ATXN7: variants seen among roughly 807,000 people sequenced by gnomAD.
The protein encoded by ATXN7 is ataxin 7.
ATXN7 carries 12 observed loss-of-function variants against 70.5 expected under a neutral mutation model. The ratio of observed to expected loss-of-function variants is 0.17; its 90% CI spans 0.11 to 0.28. The LOEUF is 0.28. ATXN7 is among the 10% of genes least tolerant of loss of function. The probability of loss-of-function intolerance (pLI) is 1.00; values close to 1 mark genes in which losing one functional copy is unlikely to be tolerated. For missense variants in ATXN7, 1,256 were observed against 1,131.7 expected, an observed-to-expected ratio of 1.11 and a Z score of -1.58; for synonymous variants, 498 against 448.7, an observed-to-expected ratio of 1.11 and a Z score of -1.39.
intron 12 of ATXN7, chr3:63,998,843 A>G (rs1241926323): frequency 3.2e-6 from 1 of 313,616 alleles, no homozygotes; most frequent in African/African-American, 2.3e-5. Flanking sequence ...AGCTGCCATT[A>G]AAACAAAAAT....
intron 12 of ATXN7, chr3:63,998,002 G>C (rs1393715495): frequency 2.0e-6 from 2 of 985,344 alleles, no homozygotes; most frequent in Non-Finnish European, 2.4e-6. Flanking sequence ...CAGTTTATAA[G>C]CATAACAGTC....
chr3:63,970,743 T>C (rs1464204132), intron 5 of ATXN7, among the ~76,000 whole-genome samples: 1 of 152,162 alleles, frequency 6.6e-6, no homozygotes, highest in Non-Finnish European at 1.5e-5. Flanking sequence ...GCCTGTCCCT[T>C]CCCCCACTGG....
chr3:63,904,521 T>G (rs1331300750), intron 2 of ATXN7: 3 of 152,334 alleles, frequency 2.0e-5, no homozygotes, highest in Non-Finnish European at 4.4e-5. Context: ...CTTGAACTCC[T>G]GACCTCGTGA....
intron 4 of ATXN7, 61 bp from the exon 5 acceptor site, chr3:63,952,318 A>G (rs1559643942): frequency 1.5e-6 from 2 of 1,329,398 alleles, no homozygotes; most frequent in Non-Finnish European, 2.1e-6. Flanking sequence ...GTAGTTTCCC[A>G]AAATGGTTTT....
intron 4 of ATXN7, among the ~76,000 whole-genome samples, chr3:63,915,644 C>A (rs891907386): frequency 1.3e-5 from 2 of 151,570 alleles, no homozygotes; most frequent in African/African-American, 4.8e-5. Context: ...ATAAATTGAT[C>A]ATGTGAGTGA....
In ATXN7 at chr3:63,872,115, T is replaced by C. The variant is rs1013857869; in HGVS notation, c.-111+7957T>C. On this transcript the variant is annotated intron_variant, in intron 1 of 12. Transcript: ENST00000674280. Reference sequence around the variant, plus strand: ...TGAAATTAGCAACATTGATCTAGCCTTGACGAATGAGAAACGTAACCACAT... The same window carrying C: ...TGAAATTAGCAACATTGATCTAGCCCTGACGAATGAGAAACGTAACCACAT... 4.2e-4 allele frequency among the ~76,000 whole-genome samples: 64 copies of C among 152,312 alleles called. 1 individual carries two copies. The highest frequency in any genetic ancestry group is 1.5e-3 in the African/African-American group (62 of 41,588).
intron 4 of ATXN7, among the ~76,000 whole-genome samples, chr3:63,921,413 G>A (rs1704506432): frequency 6.6e-6 from 1 of 152,184 alleles, no homozygotes; most frequent in Admixed American, 6.5e-5. Flanking sequence ...CAGACATACG[G>A]TTGTTGGCAA....
At chr3:63,954,722 T>G (rs1263030658) in intron 5 of ATXN7, among the ~76,000 whole-genome samples, 1 of 149,672 alleles carries the variant, frequency 6.7e-6, no homozygotes, top group Non-Finnish European at 1.5e-5. Flanking sequence ...TTTTTTTTTT[T>G]TTTTGAGACG....
intron 5 of ATXN7, among the ~76,000 whole-genome samples, chr3:63,978,676 T>A (rs2075432691): frequency 6.6e-6 from 1 of 152,228 alleles, no homozygotes; most frequent in Non-Finnish European, 1.5e-5. Flanking sequence ...TTGTAGCCTT[T>A]GTGTAGTTGA....
chr3:63,908,848 T>A (rs920202987), intron 2 of ATXN7, among the ~76,000 whole-genome samples: 1 of 152,188 alleles, frequency 6.6e-6, no homozygotes, highest in Non-Finnish European at 1.5e-5. Context: ...ACTGAGAACA[T>A]CCCTAAATTT....
chr3:63,894,967 C>T (rs893151678), intron 1 of ATXN7, among the ~76,000 whole-genome samples: 3 of 152,096 alleles, frequency 2.0e-5, no homozygotes, highest in African/African-American at 7.2e-5. Context: ...TCTCCCTCCT[C>T]CTCCTCCCCC....
chr3:63,911,979 C>T (rs1234077301), intron 2 of ATXN7: 1 of 152,336 alleles, frequency 6.6e-6, no homozygotes, highest in Non-Finnish European at 1.5e-5. Context: ...GCATTTCCGA[C>T]TTCGCCCTGG....
intron 1 of ATXN7, among the ~76,000 whole-genome samples, chr3:63,890,482 A>G (rs528036490): frequency 3.0e-4 from 45 of 152,334 alleles, no homozygotes; most frequent in African/African-American, 1.0e-3. Flanking sequence ...AGGGCATTAC[A>G]TAATTATTTT....
chr3:63,913,285 C>A, intron 4 of ATXN7, 60 bp downstream of exon 4: 5 of 1,520,520 alleles, frequency 3.3e-6, no homozygotes, highest in Non-Finnish European at 4.5e-6. Flanking sequence ...ATTGACAGTT[C>A]ACTGGGACCG....
chr3:63,949,634 G>A (rs1405309847), intron 4 of ATXN7, among the ~76,000 whole-genome samples: 2 of 152,182 alleles, frequency 1.3e-5, no homozygotes, highest in Non-Finnish European at 2.9e-5. Flanking sequence ...CTGACCTCGG[G>A]TAATCCGCCT....
chr3:63,866,493 C>T lies in ATXN7; in HGVS notation c.-111+2335C>T, dbSNP rs189487994. Reference sequence around the variant, plus strand: ...CTGGTCTCAAACTGCTGGGCTCAAGCGATCCTCCCGCCTCAGCCTCCCAAA... The same window carrying T: ...CTGGTCTCAAACTGCTGGGCTCAAGTGATCCTCCCGCCTCAGCCTCCCAAA... On this transcript the variant is annotated intron_variant, in intron 1 of 12. Transcript: ENST00000674280. Among the ~76,000 whole-genome samples, 9 of 152,192 alleles carry T rather than the reference C, an allele frequency of 5.9e-5. No individual in the cohort carries two copies. The East Asian group carries it at 7.7e-4, about 13-fold the overall frequency.
chr3:63,925,293 C>G (rs1215144704), intron 4 of ATXN7, among the ~76,000 whole-genome samples: 1 of 152,076 alleles, frequency 6.6e-6, no homozygotes, highest in African/African-American at 2.4e-5. Flanking sequence ...TTTATGCATC[C>G]TTTGTAGTAG....
intron 11 of ATXN7, 76 bp from the exon 12 acceptor site, chr3:63,995,427 CAA>C (rs1576004768): frequency 1.3e-6 from 2 of 1,510,254 alleles, no homozygotes; most frequent in Non-Finnish European, 1.8e-6. Flanking sequence ...TTGTCACAAG[CAA>C]AGAGGGTGGT....
At chr3:63,889,228 A>G (rs137912996) in intron 1 of ATXN7, among the ~76,000 whole-genome samples, 41 of 152,294 alleles carry the variant, frequency 2.7e-4, no homozygotes, top group African/African-American at 9.4e-4. Context: ...AGTCCATCCT[A>G]TCAACAAAGT....
Sources: allele counts gnomAD v4.1 joint callset (sites outside exome capture counted in the v4.1 genomes callset), GRCh38; gene constraint gnomAD v4.1.1; transcripts MANE v1.5; gene names NCBI Gene and HGNC (gene_info 2026-07-23, HGNC 2026-07-21).